The following CATSPERT variants were observed in gnomAD, a reference collection of about 807,000 sequenced individuals.
CATSPERT encodes cation channel sperm-associated targeting subunit tau.
the CATSPERT span, among the ~76,000 whole-genome samples, chr2:201,612,863 T>A: frequency 1.1e-4 from 16 of 152,216 alleles, no homozygotes; most frequent in South Asian, 3.1e-3. Context: ...AATACTGCAC[T>A]TTTCCAATGG....
At chr2:201,520,598 T>C in the CATSPERT span, among the ~76,000 whole-genome samples, 2 of 152,146 alleles carry the variant, frequency 1.3e-5, no homozygotes, top group African/African-American at 4.8e-5. Context: ...GGATTAAAGT[T>C]CATTGAGGGT....
chr2:201,493,892 C>G, the CATSPERT span: 1 of 1,537,106 alleles, frequency 6.5e-7, no homozygotes, highest in South Asian at 1.2e-5. Flanking sequence ...ACATGTTCTT[C>G]TACCTCTGGA....
At chr2:201,510,222 T>A in the CATSPERT span, among the ~76,000 whole-genome samples, 2 of 150,450 alleles carry the variant, frequency 1.3e-5, no homozygotes, top group African/African-American at 5.0e-5. Flanking sequence ...GGTGGGCTGA[T>A]CACCTGAGGT....
the CATSPERT span, among the ~76,000 whole-genome samples, chr2:201,573,779 C>T: frequency 6.6e-6 from 1 of 152,144 alleles, no homozygotes; most frequent in Non-Finnish European, 1.5e-5. Flanking sequence ...GCCCCAGCCT[C>T]CCAAGTAGCT....
chr2:201,496,494 C>T, the CATSPERT span, among the ~76,000 whole-genome samples: 3 of 152,154 alleles, frequency 2.0e-5, no homozygotes, highest in Non-Finnish European at 2.9e-5. Context: ...AGGCATGTGC[C>T]AGCACATCTG....
At chr2:201,581,579 TATATATATATATATAC>T in the CATSPERT span, among the ~76,000 whole-genome samples, 316 of 80,188 alleles carry the variant, frequency 3.9e-3, 34 homozygotes, top group African/African-American at 0.015. Flanking sequence ...TATATATATA[TATATATATATATATAC>T]ACATACATAT....
chr2:201,602,547 A>G, the CATSPERT span, among the ~76,000 whole-genome samples: 2 of 152,204 alleles, frequency 1.3e-5, no homozygotes, highest in Non-Finnish European at 2.9e-5. Flanking sequence ...CCTTTTAAAA[A>G]TGTTTAAAGG....
At chr2:201,582,371 C>T in the CATSPERT span, among the ~76,000 whole-genome samples, 1 of 151,620 alleles carries the variant, frequency 6.6e-6, no homozygotes, top group African/African-American at 2.4e-5. Context: ...ATTTGCATAC[C>T]TAGTGATACG....
the CATSPERT span, chr2:201,618,952 G>T: frequency 6.8e-6 from 11 of 1,613,946 alleles, no homozygotes; most frequent in Non-Finnish European, 9.3e-6. Flanking sequence ...AGGCAGGGCC[G>T]TCGTGCCCTG....
At chr2:201,586,988 T>C in the CATSPERT span, among the ~76,000 whole-genome samples, 1 of 152,088 alleles carries the variant, frequency 6.6e-6, no homozygotes, top group Non-Finnish European at 1.5e-5. Context: ...CCTCCCTCTC[T>C]TTCTCCTTTC....
chr2:201,551,081 G>A, the CATSPERT span: 156 of 152,290 alleles, frequency 1.0e-3, no homozygotes, highest in African/African-American at 3.4e-3. Flanking sequence ...AACTGTGCAC[G>A]TCCACCTATA....
chr2:201,515,231 T>G, the CATSPERT span, among the ~76,000 whole-genome samples: 2 of 78,180 alleles, frequency 2.6e-5, no homozygotes. Flanking sequence ...TTTTTTTTTT[T>G]TTTTTTTTTT....
chr2:201,574,369 G>T, the CATSPERT span: 2 of 1,101,140 alleles, frequency 1.8e-6, no homozygotes, highest in Non-Finnish European at 2.5e-6. Flanking sequence ...AAATCTGTAA[G>T]TTAGAAAAGC....
the CATSPERT span, chr2:201,550,581 T>C: frequency 8.2e-6 from 1 of 122,424 alleles, no homozygotes; most frequent in Admixed American, 9.2e-5. Flanking sequence ...CCTAGTATCC[T>C]CATCATTTCA....
the CATSPERT span, among the ~76,000 whole-genome samples, chr2:201,505,695 C>T: frequency 6.6e-6 from 1 of 152,052 alleles, no homozygotes; most frequent in Non-Finnish European, 1.5e-5. Flanking sequence ...AGAGTCATGA[C>T]AACAAAATGC....
the CATSPERT span, among the ~76,000 whole-genome samples, chr2:201,489,242 G>A: frequency 6.6e-6 from 1 of 152,140 alleles, no homozygotes; most frequent in Non-Finnish European, 1.5e-5. Context: ...TTAGGATAAG[G>A]GTTCTGAGAT....
chr2:201,487,689 AG>A, the CATSPERT span: 1 of 1,614,100 alleles, frequency 6.2e-7, no homozygotes, highest in Non-Finnish European at 8.5e-7. Context: ...ATATGAACTA[AG>A]CCTGATGAAA....
chr2:201,611,190 A>C, the CATSPERT span, among the ~76,000 whole-genome samples: 1 of 152,200 alleles, frequency 6.6e-6, no homozygotes, highest in African/African-American at 2.4e-5. Flanking sequence ...TGCTAATGAT[A>C]TGATCTTTTA....
At chr2:201,493,261 T>G in the CATSPERT span, 3 of 1,536,660 alleles carry the variant, frequency 2.0e-6, no homozygotes, top group Non-Finnish European at 2.6e-6. Flanking sequence ...ATACAGTTCT[T>G]TATTTGCTAT....
Sources: gnomAD v4.1 joint callset for allele counts (sites outside exome capture counted in the v4.1 genomes callset) on GRCh38, gnomAD v4.1.1 for gene constraint, MANE v1.5 for transcripts, NCBI Gene and HGNC (gene_info 2026-07-23, HGNC 2026-07-21) for gene names.